Variants in RNF220 observed in about 807,000 individuals in gnomAD.
RNF220 encodes E3 ubiquitin-protein ligase RNF220.
Under a neutral mutation model 67.1 loss-of-function variants are expected in RNF220, and 7 were observed. That is an observed-to-expected ratio of 0.10 (90% CI 0.06 to 0.20). The LOEUF (loss-of-function observed/expected upper bound fraction) is 0.20. Ranked by LOEUF, RNF220 falls within the 10% of genes least tolerant of loss-of-function variation. The pLI is 1.00. For missense variants in RNF220, 565 were observed against 740.3 expected, an observed-to-expected ratio of 0.76 and a Z score of 2.75; for synonymous variants, 270 against 283.2, an observed-to-expected ratio of 0.95 and a Z score of 0.47.
chr1:44,578,220 C>T (rs1664971293), intron 2 of RNF220, among the ~76,000 whole-genome samples: 1 of 141,252 alleles, frequency 7.1e-6, no homozygotes, highest in Non-Finnish European at 1.5e-5. Flanking sequence ...GCAATCTTGG[C>T]TCTCTGCAAC....
At chr1:44,420,559 A>G (rs891490859) in intron 2 of RNF220, among the ~76,000 whole-genome samples, 3 of 152,242 alleles carry the variant, frequency 2.0e-5, no homozygotes, top group Non-Finnish European at 2.9e-5. Context: ...AGCATAATAA[A>G]TACCTGTTAG....
At chr1:44,428,649 C>CA (rs1303675031) in intron 2 of RNF220, among the ~76,000 whole-genome samples, 2 of 152,154 alleles carry the variant, frequency 1.3e-5, no homozygotes, top group Non-Finnish European at 2.9e-5. Flanking sequence ...CACAAACCCC[C>CA]AAACTGGCCT....
chr1:44,625,849 C>G (rs1242601679), intron 4 of RNF220, among the ~76,000 whole-genome samples: 1 of 152,008 alleles, frequency 6.6e-6, no homozygotes, highest in Non-Finnish European at 1.5e-5. Flanking sequence ...CCTAGCTGCA[C>G]GTGGGAAACT....
chr1:44,406,317 C>T (rs1647325848), intron 1 of RNF220, among the ~76,000 whole-genome samples: 1 of 152,152 alleles, frequency 6.6e-6, no homozygotes, highest in Non-Finnish European at 1.5e-5. Context: ...TTCTAAACGC[C>T]ACCGGTAAAC....
At position 44,650,100 on chromosome 1, in the gene RNF220, G is replaced by C; in HGVS notation, c.1629+143G>C. ...CCAGGAGCCAGGATATTTACCCGCA[G>C]GATATTTACCCCCAGGCTCGCTGCC... is the stretch of plus-strand genomic sequence containing the variant. On this transcript the variant is annotated intron_variant, in intron 14 of 14. Transcript: ENST00000361799. This position sits in a 1 kb window ranked among gnomAD's most constrained non-coding sequence, Gnocchi z 4.3. 1 of 862,014 alleles carries C rather than the reference G, an allele frequency of 1.2e-6. No individual in the cohort carries two copies. The highest frequency in any genetic ancestry group is 1.8e-6 in the Non-Finnish European group (1 of 565,252). The allele number at this position is 862,014 out of a possible 1,614,324, so 53.4% of individuals were successfully genotyped here. A position where few individuals can be genotyped will look rare whatever the true frequency, so the allele number is the denominator to read the frequency against.
chr1:44,589,337 G>A (rs978640493), intron 2 of RNF220, among the ~76,000 whole-genome samples: 4 of 152,184 alleles, frequency 2.6e-5, no homozygotes, highest in African/African-American at 4.8e-5. Flanking sequence ...CCTCCTGGCC[G>A]GGCGTGGTGG....
At chr1:44,474,097 G>A (rs900990344) in intron 2 of RNF220, among the ~76,000 whole-genome samples, 3 of 151,960 alleles carry the variant, frequency 2.0e-5, no homozygotes, top group South Asian at 2.1e-4. Flanking sequence ...ATAATAGACC[G>A]GGTGTGGTAG....
At chr1:44,449,978 G>A (rs983191745) in intron 2 of RNF220, among the ~76,000 whole-genome samples, 7 of 152,182 alleles carry the variant, frequency 4.6e-5, no homozygotes, top group Non-Finnish European at 5.9e-5. Context: ...TTGGGAGGCC[G>A]AGGCAGGCAG....
rs56978327 is a variant in RNF220 at position 44,502,052 on chromosome 1, AACACACACACACACAC to A, written c.625+89363_625+89378del. Among the ~76,000 whole-genome samples the A allele has an allele frequency of 3.4e-3, 419 of 121,844 alleles. 6 individuals carry two copies. The highest frequency in any genetic ancestry group is 0.028 in the South Asian group (90 of 3,180). The allele number at this position is 121,844 out of a possible 152,430, so 79.9% of individuals were successfully genotyped here. A position where few individuals can be genotyped will look rare whatever the true frequency, so the allele number is the denominator to read the frequency against. On this transcript the variant is annotated intron_variant, in intron 2 of 14. Coordinates refer to ENST00000361799, the MANE Select transcript of RNF220 (RefSeq NM_018150.4). The stretch of plus-strand genomic sequence containing the variant: ...TCCCCAGCTGACTTCACACCACTGA[AACACACACACACACAC>A]ACACACACACACACACACACACACA...
Position 44,417,281 on chromosome 1 carries a change from C to A in RNF220, c.625+4559C>A, listed in dbSNP as rs1375339341. Among the ~76,000 whole-genome samples the A allele has an allele frequency of 6.6e-6, 1 of 152,202 alleles. No homozygotes were observed. Among genetic ancestry groups the A allele is most frequent in the Non-Finnish European group, 1.5e-5 (1 of 68,036 alleles). On this transcript the variant is annotated intron_variant, in intron 2 of 14. Coordinates refer to ENST00000361799, the MANE Select transcript of RNF220 (RefSeq NM_018150.4). The surrounding 1 kb of genome is among the most constrained non-coding windows in gnomAD (Gnocchi z 4.0). ...CCCTACTCCCCGGGGGCAAGAACTC[C>A]TGTGATGTGTGTGGTTGTTTCTGGT...
intron 2 of RNF220, among the ~76,000 whole-genome samples, chr1:44,449,917 A>AG (rs1306286708): frequency 6.6e-6 from 1 of 152,240 alleles, no homozygotes; most frequent in Non-Finnish European, 1.5e-5. Flanking sequence ...TGTTTAAAAA[A>AG]GAAAAATTTC....
At chr1:44,626,465 C>G in intron 5 of RNF220, 67 bp downstream of exon 5, 5 of 1,240,060 alleles carry the variant, frequency 4.0e-6, no homozygotes, top group Non-Finnish European at 5.9e-6. Flanking sequence ...AGAGCCTGCC[C>G]GGTGCTAACT....
intron 2 of RNF220, among the ~76,000 whole-genome samples, chr1:44,496,366 G>A (rs1213478411): frequency 6.6e-6 from 1 of 152,194 alleles, no homozygotes; most frequent in Non-Finnish European, 1.5e-5. Flanking sequence ...AGCTGTGGGA[G>A]TGAATGAGAT....
intron 4 of RNF220, among the ~76,000 whole-genome samples, chr1:44,623,030 G>C (rs1643862028): frequency 6.6e-6 from 1 of 152,196 alleles, no homozygotes; most frequent in Non-Finnish European, 1.5e-5. Context: ...TCCTCTTCCA[G>C]CCAGGAGAGG....
chr1:44,513,279 G>A (rs1185284780), intron 2 of RNF220, among the ~76,000 whole-genome samples: 1 of 152,214 alleles, frequency 6.6e-6, no homozygotes, highest in East Asian at 1.9e-4. Flanking sequence ...GAAGCAAGTG[G>A]CAAGGCCCAG....
At chr1:44,446,352 C>T (rs910586664) in intron 2 of RNF220, among the ~76,000 whole-genome samples, 5 of 152,140 alleles carry the variant, frequency 3.3e-5, no homozygotes, top group African/African-American at 1.2e-4. Flanking sequence ...TATTGTCTTT[C>T]ATCTAAAAAA....
chr1:44,563,472 T>A (rs6658981), intron 2 of RNF220, among the ~76,000 whole-genome samples: 104,216 of 151,474 alleles, frequency 0.69, 36,565 homozygotes, highest in Middle Eastern at 0.76. Context: ...TGGGGCCAGA[T>A]GAACGGGAAG....
At chr1:44,527,409 T>G (rs1172219109) in intron 2 of RNF220, among the ~76,000 whole-genome samples, 2 of 151,868 alleles carry the variant, frequency 1.3e-5, no homozygotes, top group African/African-American at 4.8e-5. Context: ...AGTAAATAAG[T>G]AAAACTTGGG....
In RNF220 at chr1:44,635,608, G is replaced by A. The variant is rs369949799; in HGVS notation, c.993+20G>A. On this transcript the variant is annotated intron_variant, in intron 7 of 14. Transcript: ENST00000361799. ...GGGCAGGTATGTCCCCTGTGCAACC[G>A]CCCCCTGGCAGGATCGGAGCAGGAG... 8 of 1,614,120 alleles carry A rather than the reference G, an allele frequency of 5.0e-6. No individual in the cohort carries two copies. Among genetic ancestry groups the A allele is most frequent in the East Asian group, 2.2e-5 (1 of 44,886 alleles).
Sources: gnomAD v4.1 joint callset for allele counts (sites outside exome capture counted in the v4.1 genomes callset) on GRCh38, gnomAD v4.1.1 for gene constraint, Gnocchi (gnomAD v3.1) non-coding constraint, MANE v1.5 for transcripts, NCBI Gene and HGNC (gene_info 2026-07-23, HGNC 2026-07-21) for gene names.